MRTFB: variants seen among roughly 807,000 people sequenced by gnomAD.
MRTFB encodes the protein myocardin related transcription factor B.
In MRTFB, 29 loss-of-function variants were observed where a neutral mutation model predicts 104.2. The ratio of observed to expected loss-of-function variants is 0.28; its 90% CI spans 0.21 to 0.38. The LOEUF (loss-of-function observed/expected upper bound fraction) is 0.38, where lower values mean the gene tolerates loss of function less well. Among genes scored for constraint, MRTFB ranks in the 10% least tolerant of loss-of-function variants. The probability of loss-of-function intolerance (pLI) is 1.00; values close to 1 mark genes in which losing one functional copy is unlikely to be tolerated. For missense variants in MRTFB, 1,270 were observed against 1,341.6 expected (o/e 0.95, Z 0.83); for synonymous variants, 535 against 519.5 (o/e 1.03, Z -0.41).
chr16:14,095,000 A>G (rs1171151977), intron 2 of MRTFB, among the ~76,000 whole-genome samples: 1 of 152,240 alleles, frequency 6.6e-6, no homozygotes, highest in Non-Finnish European at 1.5e-5. Context: ...AAACATCACC[A>G]GGAATAATAA....
At chr16:14,214,100 C>T (rs1220959001) in intron 6 of MRTFB, among the ~76,000 whole-genome samples, 1 of 152,166 alleles carries the variant, frequency 6.6e-6, no homozygotes, top group Admixed American at 6.5e-5. Context: ...CATCCACCTC[C>T]GCCAAATGAT....
intron 15 of MRTFB, among the ~76,000 whole-genome samples, chr16:14,255,451 G>T (rs1457758585): frequency 6.6e-6 from 1 of 152,210 alleles, no homozygotes; most frequent in African/African-American, 2.4e-5. Flanking sequence ...ATGAAAACTG[G>T]AAGAGTGCAA....
At position 14,118,322 on chromosome 16, in the gene MRTFB, T is replaced by A. The variant is rs925050366; in HGVS notation, c.-63-22222T>A. Among the ~76,000 whole-genome samples, 8 of 151,520 alleles carry A rather than the reference T, an allele frequency of 5.3e-5. 1 individual carries two copies. The highest frequency in any genetic ancestry group is 5.3e-4 in the Admixed American group (8 of 15,214). On this transcript the variant is annotated intron_variant, in intron 2 of 16. Coordinates refer to ENST00000571589, the MANE Select transcript of MRTFB (RefSeq NM_001308142.2). The stretch of plus-strand genomic sequence containing the variant: ...CAGCTAGTTTTTGTATTCTTTTTTT[T>A]ATAGAGATGGGGTTTTGCCATGTTG...
intron 3 of MRTFB, among the ~76,000 whole-genome samples, chr16:14,146,188 T>C (rs1295045628): frequency 1.3e-5 from 2 of 152,252 alleles, no homozygotes; most frequent in African/African-American, 4.8e-5. Flanking sequence ...CATGTTGACA[T>C]GGTCACAGAA....
chr16:14,045,825 C>T, the MRTFB span, among the ~76,000 whole-genome samples: 151,609 of 152,356 alleles, frequency 1, 75,436 homozygotes, highest in Middle Eastern at 1. Flanking sequence ...GGTGCCTGTG[C>T]CCTCTGGTGC....
At chr16:14,131,449 A>G (rs2037434732) in intron 2 of MRTFB, among the ~76,000 whole-genome samples, 1 of 152,206 alleles carries the variant, frequency 6.6e-6, no homozygotes, top group East Asian at 1.9e-4. Context: ...AAAAAAATAG[A>G]AAAATTTGAC....
chr16:14,070,013 T>A (rs1438401077), upstream of MRTFB, among the ~76,000 whole-genome samples: 2 of 152,224 alleles, frequency 1.3e-5, no homozygotes, highest in African/African-American at 4.8e-5. Flanking sequence ...CAGCAATTGG[T>A]TCCGGGGAGA....
chr16:14,258,002 T>A lies in MRTFB; in HGVS notation c.2704-99T>A, dbSNP rs2043580030. 9.9e-6 allele frequency: 10 copies of A among 1,014,274 alleles called. No individual in the cohort carries two copies. In the Admixed American group the frequency reaches 2.1e-4, roughly 21 times the overall value. 62.8% of individuals were successfully genotyped at this position (1,014,274 alleles called of 1,614,324 possible). ...TGTTTTCAAAATTATCACGATAGAT[T>A]AGAACTAAATCATCTAGAAAGTCCC... On this transcript the variant is annotated intron_variant, in intron 15 of 16. Transcript: ENST00000571589.
chr16:14,211,262 T>A (rs1028423934), intron 4 of MRTFB, among the ~76,000 whole-genome samples: 17 of 151,980 alleles, frequency 1.1e-4, no homozygotes, highest in African/African-American at 4.1e-4. Context: ...GCCAGATTTC[T>A]CCACCACCAC....
At chr16:14,227,507 A>G (rs569216070) in intron 8 of MRTFB, among the ~76,000 whole-genome samples, 15 of 151,026 alleles carry the variant, frequency 9.9e-5, no homozygotes, top group African/African-American at 2.9e-4. Flanking sequence ...TCCAGCCTCA[A>G]TTTTTTTTTG....
chr16:14,151,473 T>G (rs2038611648), intron 3 of MRTFB: 1 of 152,182 alleles, frequency 6.6e-6, no homozygotes, highest in African/African-American at 2.4e-5. Flanking sequence ...TGTTCAAGGG[T>G]CAACTGTGTT....
At chr16:14,018,072 G>A in the MRTFB span, among the ~76,000 whole-genome samples, 9 of 151,798 alleles carry the variant, frequency 5.9e-5, no homozygotes, top group African/African-American at 1.9e-4. Flanking sequence ...ACACACTCTT[G>A]TATCCACATA....
chr16:14,138,036 A>G (rs1434040680), intron 2 of MRTFB, among the ~76,000 whole-genome samples: 1 of 152,008 alleles, frequency 6.6e-6, no homozygotes, highest in Non-Finnish European at 1.5e-5. Context: ...TGTATTTTTT[A>G]AATAGTTGTT....
chr16:14,127,549 C>A (rs1014559406), intron 2 of MRTFB, among the ~76,000 whole-genome samples: 2 of 150,366 alleles, frequency 1.3e-5, no homozygotes, highest in African/African-American at 4.9e-5. Context: ...GAGGCTGAAG[C>A]AGGAGAATGG....
chr16:14,167,142 C>G (rs912585869), intron 3 of MRTFB, among the ~76,000 whole-genome samples: 1 of 152,194 alleles, frequency 6.6e-6, no homozygotes, highest in African/African-American at 2.4e-5. Flanking sequence ...TAAAAGCGTT[C>G]CTATTTCTCC....
At chr16:14,228,761 C>T (rs1267394561) in intron 8 of MRTFB, among the ~76,000 whole-genome samples, 3 of 151,252 alleles carry the variant, frequency 2.0e-5, no homozygotes, top group Non-Finnish European at 4.4e-5. Flanking sequence ...GAAGCAAATT[C>T]TGCATTCCGT....
chr16:14,086,677 C>G (rs148232203), intron 2 of MRTFB, among the ~76,000 whole-genome samples: 2 of 152,000 alleles, frequency 1.3e-5, no homozygotes, highest in Non-Finnish European at 2.9e-5. Context: ...TTTGCTTATA[C>G]GGTAGTTTTC....
intron 3 of MRTFB, among the ~76,000 whole-genome samples, chr16:14,183,513 G>GT (rs964167108): frequency 7.3e-5 from 11 of 151,596 alleles, no homozygotes; most frequent in African/African-American, 2.2e-4. Context: ...TTATGTGTTT[G>GT]TTTTTTTTCT....
the MRTFB span, among the ~76,000 whole-genome samples, chr16:14,028,360 G>T: frequency 6.6e-6 from 1 of 152,110 alleles, no homozygotes; most frequent in Non-Finnish European, 1.5e-5. Flanking sequence ...ATGGCCTTAG[G>T]CTCCTGGATG....
Sources: allele counts gnomAD v4.1 joint callset (sites outside exome capture counted in the v4.1 genomes callset), GRCh38; gene constraint gnomAD v4.1.1; transcripts MANE v1.5; gene names NCBI Gene and HGNC (gene_info 2026-07-23, HGNC 2026-07-21).